CD38: variants seen among roughly 807,000 people sequenced by gnomAD.
CD38 encodes the protein ADP-ribosyl cyclase/cyclic ADP-ribose hydrolase 1.
Under a neutral mutation model 36.3 loss-of-function variants are expected in CD38, and 31 were observed. That is an observed-to-expected ratio of 0.85 (90% CI 0.64 to 1.15). CD38 has a LOEUF of 1.15. CD38 is among the 50% of genes most tolerant of loss of function. CD38 has a pLI of 0.00. For missense variants in CD38, 380 were observed against 371.9 expected (o/e 1.02, Z -0.18); for synonymous variants, 131 against 135.2 (o/e 0.97, Z 0.22).
At chr4:15,822,400 T>G (rs1723756966) in intron 2 of CD38, among the ~76,000 whole-genome samples, 1 of 152,118 alleles carries the variant, frequency 6.6e-6, no homozygotes, top group Admixed American at 6.6e-5. Context: ...GGAAATAAAA[T>G]TGTCTTTGTT....
In CD38 at chr4:15,816,618, C is replaced by A; in HGVS notation, c.341C>A (p.Thr114Asn). The A allele has an allele frequency of 6.2e-7, 1 of 1,613,950 alleles. No homozygotes were observed. Among genetic ancestry groups the A allele is most frequent in the Non-Finnish European group, 8.5e-7 (1 of 1,179,896 alleles). The stretch of plus-strand genomic sequence containing the variant: ...TATCAGCCACTAATGAAGTTGGGAA[C>A]TCAGACCGTACCTTGCAACAAGGTA... Reference protein sequence around the residue: ...EDYQPLMKLGTQTVPCNKILL... With the variant: ...EDYQPLMKLGNQTVPCNKILL... The change falls in exon 2 of 8, where the codon ACT (threonine) becomes AAT (asparagine). Residue 114 changes from threonine (T) to asparagine (N), a missense_variant. Coordinates refer to ENST00000226279, the MANE Select transcript of CD38 (RefSeq NM_001775.4).
At chr4:15,831,838 G>A (rs1224823046) in intron 3 of CD38, among the ~76,000 whole-genome samples, 1 of 152,090 alleles carries the variant, frequency 6.6e-6, no homozygotes, top group Non-Finnish European at 1.5e-5. Flanking sequence ...CTCTAGGTTT[G>A]CAAAGTTCTC....
At position 15,848,972 on chromosome 4, in the gene CD38, AT is replaced by A. The variant is rs1724327179; in HGVS notation, c.*371del. The A allele has an allele frequency of 1.2e-5, 2 of 163,866 alleles. No individual in the cohort carries two copies. The highest frequency in any genetic ancestry group is 3.8e-4 in the South Asian group (2 of 5,284). 10.2% of individuals were successfully genotyped at this position (163,866 alleles called of 1,614,324 possible). A position where few individuals can be genotyped will look rare whatever the true frequency, so the allele number is the denominator to read the frequency against. On this transcript the variant is annotated 3_prime_UTR_variant, in exon 8 of 8. Transcript: ENST00000226279. ...AGAACAGGCAAGTGAAGAAAAGTGA[AT>A]GCTCAAGTTTTTCAGAAAGCATTAC...
chr4:15,841,910 C>T (rs1185808755), intron 7 of CD38, among the ~76,000 whole-genome samples: 6 of 129,288 alleles, frequency 4.6e-5, no homozygotes, highest in East Asian at 2.2e-4. Context: ...GAGGGTCCTA[C>T]GCCCACGGAA....
chr4:15,797,372 GTTAA>G lies in CD38; in HGVS notation c.233+18729_233+18732del, dbSNP rs539992843. On this transcript the variant is annotated intron_variant, in intron 1 of 7. Coordinates refer to ENST00000226279, the MANE Select transcript of CD38 (RefSeq NM_001775.4). The stretch of plus-strand genomic sequence containing the variant: ...CTCATTTATTTATTATTATCTACTT[GTTAA>G]TTAGTCTGTTATCTTTTTTGTCAGT... Among the ~76,000 whole-genome samples the G allele has an allele frequency of 3.9e-5, 6 of 152,156 alleles. No homozygotes were observed. In the East Asian group the frequency reaches 1.2e-3, roughly 29 times the overall value.
intron 3 of CD38, among the ~76,000 whole-genome samples, chr4:15,831,878 C>T (rs1392995665): frequency 6.6e-6 from 1 of 152,158 alleles, no homozygotes; most frequent in Non-Finnish European, 1.5e-5. Context: ...AAACTTTCTA[C>T]CTGTATCTCT....
chr4:15,809,448 C>T (rs1440381387), intron 1 of CD38, among the ~76,000 whole-genome samples: 1 of 152,178 alleles, frequency 6.6e-6, no homozygotes, highest in Non-Finnish European at 1.5e-5. Flanking sequence ...CTTCTCATCA[C>T]CCCTGGTTGA....
At chr4:15,789,230 G>C (rs1722904094) in intron 1 of CD38, among the ~76,000 whole-genome samples, 1 of 152,166 alleles carries the variant, frequency 6.6e-6, no homozygotes, top group Non-Finnish European at 1.5e-5. Context: ...AGATCCTGGA[G>C]ATATAGCAGT....
intron 2 of CD38, among the ~76,000 whole-genome samples, chr4:15,823,180 A>G (rs1723777078): frequency 6.6e-6 from 1 of 152,044 alleles, no homozygotes; most frequent in South Asian, 2.1e-4. Context: ...AAAAATTAAG[A>G]TGAATTAGAG....
chr4:15,804,696 T>C (rs1469175449), intron 1 of CD38, among the ~76,000 whole-genome samples: 1 of 152,096 alleles, frequency 6.6e-6, no homozygotes, highest in Non-Finnish European at 1.5e-5. Context: ...ATATTCTCAC[T>C]TACATGTGGG....
At chr4:15,822,380 A>G (rs942704830) in intron 2 of CD38, among the ~76,000 whole-genome samples, 4 of 152,126 alleles carry the variant, frequency 2.6e-5, no homozygotes, top group Non-Finnish European at 4.4e-5. Flanking sequence ...GTCTTTTCAA[A>G]TGGAAAAAAG....
chr4:15,794,219 G>C (rs1426481112), intron 1 of CD38, among the ~76,000 whole-genome samples: 1 of 152,234 alleles, frequency 6.6e-6, no homozygotes, highest in Non-Finnish European at 1.5e-5. Context: ...ACTTGCCTAA[G>C]CAAGTGGATG....
In CD38 at chr4:15,840,558, AG is replaced by A. The variant is rs765735389; in HGVS notation, c.839+21del. 7.2e-6 allele frequency: 10 copies of A among 1,389,688 alleles called. No individual in the cohort carries two copies. The East Asian group carries it at 2.1e-4, about 29-fold the overall frequency. 86.1% of individuals were successfully genotyped at this position (1,389,688 alleles called of 1,614,324 possible). On this transcript the variant is annotated intron_variant, in intron 7 of 7. Transcript: ENST00000226279. ...CTACAGGTAATTAATTTCTTCTTGA[AG>A]AAAAAAATGACTGTCTTGTCACCTG...
chr4:15,801,557 A>G (rs1432714162), intron 1 of CD38, among the ~76,000 whole-genome samples: 1 of 152,162 alleles, frequency 6.6e-6, no homozygotes, highest in African/African-American at 2.4e-5. Flanking sequence ...AAATACTAGC[A>G]AACTGAATCC....
chr4:15,845,824 G>A (rs1394777213), intron 7 of CD38, among the ~76,000 whole-genome samples: 1 of 57,386 alleles, frequency 1.7e-5, no homozygotes, highest in Non-Finnish European at 2.9e-5. Context: ...TTGCTTCAAA[G>A]AGAATAAAAT....
At chr4:15,833,685 A>T (rs1476424941) in intron 3 of CD38, among the ~76,000 whole-genome samples, 1 of 152,214 alleles carries the variant, frequency 6.6e-6, no homozygotes, top group Non-Finnish European at 1.5e-5. Flanking sequence ...TATCCTTGGG[A>T]GAAGTGACAC....
chr4:15,790,521 C>G (rs1270805247), intron 1 of CD38, among the ~76,000 whole-genome samples: 1 of 152,028 alleles, frequency 6.6e-6, no homozygotes, highest in African/African-American at 2.4e-5. Context: ...GATCTCGGCT[C>G]GCTACAACCT....
chr4:15,782,787 C>T (rs1249415893), intron 1 of CD38, among the ~76,000 whole-genome samples: 2 of 152,094 alleles, frequency 1.3e-5, no homozygotes, highest in South Asian at 2.1e-4. Flanking sequence ...GTTCCTTTTC[C>T]TTGGTTGTCC....
In CD38 at chr4:15,851,282, T is replaced by A. The variant is rs1724380729; in HGVS notation, c.*2680T>A. 1 of 152,218 alleles carries A rather than the reference T, an allele frequency of 6.6e-6. No homozygotes were observed. The highest frequency in any genetic ancestry group is 2.4e-5 in the African/African-American group (1 of 41,442). 9.4% of individuals were successfully genotyped at this position (152,218 alleles called of 1,614,324 possible). A position where few individuals can be genotyped will look rare whatever the true frequency, so the allele number is the denominator to read the frequency against. ...GGCCCGAAGGACTTTCTGACCTACA[T>A]GTATAAATACCCCCTCACAATATAT... On this transcript the variant is annotated 3_prime_UTR_variant, in exon 8 of 8. Coordinates refer to ENST00000226279, the MANE Select transcript of CD38 (RefSeq NM_001775.4).
Sources: allele counts gnomAD v4.1 joint callset (sites outside exome capture counted in the v4.1 genomes callset), GRCh38; gene constraint gnomAD v4.1.1; transcripts MANE v1.5; gene names NCBI Gene and HGNC (gene_info 2026-07-23, HGNC 2026-07-21).